The following CEP164 variants were observed in gnomAD, a reference collection of about 807,000 sequenced individuals.
CEP164 encodes centrosomal protein 164.
Under a neutral mutation model 182.7 loss-of-function variants are expected in CEP164, and 162 were observed. That is an observed-to-expected ratio of 0.89 (90% CI 0.78 to 1.01). CEP164 has a LOEUF of 1.01. CEP164 is among the 50% of genes least tolerant of loss of function. The probability of loss-of-function intolerance (pLI) is 0.00; values close to 1 mark genes in which losing one functional copy is unlikely to be tolerated. For synonymous variants in CEP164, 661 were observed against 690.0 expected, an observed-to-expected ratio of 0.96 and a Z score of 0.66; for missense variants, 1,735 against 1,790.4, an observed-to-expected ratio of 0.97 and a Z score of 0.56.
Position 117,393,095 on chromosome 11 carries a change from T to C in CEP164, c.2585T>C (p.Met862Thr), listed in dbSNP as rs371143032. 10 of 1,613,432 alleles carry C rather than the reference T, an allele frequency of 6.2e-6. No homozygotes were observed. In the African/African-American group the frequency reaches 9.3e-5, roughly 15 times the overall value. The change falls in exon 20 of 33, where the codon ATG (methionine) becomes ACG (threonine). Residue 862 changes from methionine to threonine, a missense_variant. Transcript: ENST00000278935. ...ATGAAGGAGGAGCACCAGCAAGTGA[T>C]GGCTAAGGCCAGAGAGCAGTATGAA... The part of the protein sequence containing the change: ...DKMKEEHQQV[M>T]AKAREQYEAE...
chr11:117,375,826 C>T (rs2042684044), intron 11 of CEP164, 35 bp downstream of exon 11: 2 of 1,591,096 alleles, frequency 1.3e-6, no homozygotes, highest in East Asian at 2.2e-5. Context: ...GAGCTGGGGC[C>T]TCATTTTCCC....
intron 11 of CEP164, among the ~76,000 whole-genome samples, chr11:117,377,706 A>T (rs927460118): frequency 6.6e-6 from 1 of 152,226 alleles, no homozygotes; most frequent in African/African-American, 2.4e-5. Flanking sequence ...TTCATTTAAA[A>T]TATTTGCAAT....
At chr11:117,351,392 A>G (rs1276417357) in intron 4 of CEP164, among the ~76,000 whole-genome samples, 1 of 152,204 alleles carries the variant, frequency 6.6e-6, no homozygotes, top group Non-Finnish European at 1.5e-5. Context: ...TAGACTGTTT[A>G]TTAAAATATT....
Position 117,387,400 on chromosome 11 carries a change from A to T in CEP164, c.1922A>T (p.Glu641Val). Reference protein sequence around the residue: ...EEILRLHQQKEQSLSSLRERL... With the variant: ...EEILRLHQQKVQSLSSLRERL... ...ATCCTCCGGCTTCACCAGCAGAAAGAGCAATCTCTCAGGTCCTGCCCTTCC... is the reference window on the plus strand; with the variant it reads ...ATCCTCCGGCTTCACCAGCAGAAAGTGCAATCTCTCAGGTCCTGCCCTTCC... The change falls in exon 15 of 33, where the codon GAG becomes GTG. Residue 641 changes from glutamate to valine, a missense_variant. Transcript: ENST00000278935. The T allele has an allele frequency of 1.2e-6, 2 of 1,614,108 alleles. No individual in the cohort carries two copies. Among genetic ancestry groups the T allele is most frequent in the Non-Finnish European group, 1.7e-6 (2 of 1,180,020 alleles).
intron 5 of CEP164, among the ~76,000 whole-genome samples, chr11:117,358,053 C>G (rs1460742166): frequency 6.6e-6 from 1 of 152,174 alleles, no homozygotes; most frequent in Non-Finnish European, 1.5e-5. Context: ...GTGGCTTTAT[C>G]CAGTTGTTCC....
intron 4 of CEP164, among the ~76,000 whole-genome samples, chr11:117,344,859 C>T (rs932142463): frequency 2.0e-5 from 3 of 150,904 alleles, no homozygotes; most frequent in African/African-American, 4.9e-5. Context: ...ACCTGGGAGG[C>T]GGAGGTTGCA....
intron 16 of CEP164, 39 bp from the exon 17 acceptor site, chr11:117,390,960 G>T (rs761262209): frequency 6.2e-7 from 1 of 1,613,932 alleles, no homozygotes; most frequent in South Asian, 1.1e-5. Context: ...GCGACCCCAG[G>T]GTGCACAGGC....
upstream of CEP164, among the ~76,000 whole-genome samples, chr11:117,326,770 T>G (rs1418779430): frequency 2.6e-5 from 4 of 152,192 alleles, no homozygotes; most frequent in African/African-American, 9.7e-5. Context: ...CTATCCTGAG[T>G]CAGCTACATC....
intron 14 of CEP164, chr11:117,385,025 A>C (rs554231063): frequency 6.6e-6 from 1 of 152,388 alleles, no homozygotes; most frequent in African/African-American, 2.4e-5. Context: ...AAAAGAATCC[A>C]AACCACCAAG....
intron 28 of CEP164, chr11:117,408,605 A>C: frequency 4.9e-6 from 2 of 411,700 alleles, no homozygotes; most frequent in Non-Finnish European, 4.5e-6. Flanking sequence ...CGCCCAGGGT[A>C]CCTGGTGGAA....
Position 117,395,955 on chromosome 11 carries a change from C to T in CEP164, c.3090-99C>T, listed in dbSNP as rs571311699. On this transcript the variant is annotated intron_variant, in intron 24 of 32. Transcript: ENST00000278935. ...CTGAGCCCTTCCTCAGGGACTTTGA[C>T]GGATGGGAGTGAGGGGGTGGAGATG... The T allele has an allele frequency of 1.5e-5, 23 of 1,520,886 alleles. No homozygotes were observed. In the East Asian group the frequency reaches 2.3e-4, roughly 15 times the overall value. 94.2% of individuals were successfully genotyped at this position (1,520,886 alleles called of 1,614,324 possible).
chr11:117,334,072 C>G (rs1005774186), intron 1 of CEP164, among the ~76,000 whole-genome samples: 1 of 152,222 alleles, frequency 6.6e-6, no homozygotes, highest in Non-Finnish European at 1.5e-5. Flanking sequence ...GCACTTCCCT[C>G]GGTTCTAATT....
intron 4 of CEP164, among the ~76,000 whole-genome samples, chr11:117,350,531 T>C (rs1029549455): frequency 6.6e-5 from 10 of 152,216 alleles, no homozygotes; most frequent in Admixed American, 3.3e-4. Context: ...TTTCATGTGC[T>C]TATGGGTCAT....
chr11:117,387,020 G>A (rs1222776910), intron 14 of CEP164, 183 bp from the exon 15 acceptor site: 1 of 613,470 alleles, frequency 1.6e-6, no homozygotes, highest in Non-Finnish European at 2.9e-6. Context: ...CCACAATGGG[G>A]CTTGTCCTAT....
In CEP164 at chr11:117,410,928, G is replaced by T. The variant is rs150294491; in HGVS notation, c.4163+34G>T. The stretch of plus-strand genomic sequence containing the variant: ...CCCTGGGGGCTGGTTGGGGTGGAAC[G>T]TCATAGTCGAGCTGCTCACTGTGCC... On this transcript the variant is annotated intron_variant, in intron 31 of 32. Coordinates refer to ENST00000278935, the MANE Select transcript of CEP164 (RefSeq NM_014956.5). 9,347 of 1,595,082 alleles carry T rather than the reference G, an allele frequency of 5.9e-3. 44 individuals carry two copies. The highest frequency in any genetic ancestry group is 7.1e-3 in the Non-Finnish European group (8,317 of 1,167,128).
rs376102646 is a variant in CEP164, at chr11:117,409,142, C to A, written c.3748+114C>A. 7.2e-7 allele frequency: 1 copy of A among 1,395,792 alleles called. No individual in the cohort carries two copies. Among genetic ancestry groups the A allele is most frequent in the Non-Finnish European group, 9.8e-7 (1 of 1,023,640 alleles). The allele number at this position is 1,395,792 out of a possible 1,614,324, so 86.5% of individuals were successfully genotyped here. On this transcript the variant is annotated intron_variant, in intron 29 of 32. Coordinates refer to ENST00000278935, the MANE Select transcript of CEP164 (RefSeq NM_014956.5). This position sits in a 1 kb window ranked among gnomAD's most constrained non-coding sequence, Gnocchi z 4.4. ...CCTGCAGAGGGAGGCCTCTGTGAGC[C>A]GGTGTCTGGACTAGGTGCTCGGTCA...
At chr11:117,390,641 A>G in intron 15 of CEP164, 136 bp from the exon 16 acceptor site, 1 of 1,173,492 alleles carries the variant, frequency 8.5e-7, no homozygotes, top group Non-Finnish European at 1.2e-6. Context: ...GTCTCCAAAA[A>G]GAAAAAAAAA....
rs1221102960 is a variant in CEP164 at position 117,395,157 on chromosome 11, T to A, written c.2879T>A (p.Leu960His). Residue 960 changes from leucine to histidine, a missense_variant, in exon 23 of 33, where the codon CTT becomes CAT. By Grantham distance (99) the Leu-to-His change is moderately conservative. Transcript: ENST00000278935. ...GCCCGGAGGGAGAAGCAGCAGCTGCTTGATGTGCAGAGGCAGGTTGCTCTG... is the reference window on the plus strand; with the variant it reads ...GCCCGGAGGGAGAAGCAGCAGCTGCATGATGTGCAGAGGCAGGTTGCTCTG... Reference protein sequence around the residue: ...ETARREKQQLLDVQRQVALKS... With the variant: ...ETARREKQQLHDVQRQVALKS... The A allele has an allele frequency of 1.2e-6, 2 of 1,614,012 alleles. No homozygotes were observed. The highest frequency in any genetic ancestry group is 1.7e-6 in the Non-Finnish European group (2 of 1,180,034).
chr11:117,390,792 G>A lies in CEP164; in HGVS notation c.1950G>A (p.Arg650=). 1.9e-6 allele frequency: 3 copies of A among 1,613,978 alleles called. No individual in the cohort carries two copies. The highest frequency in any genetic ancestry group is 1.1e-5 in the South Asian group (1 of 91,074). ...KEQSLSSLRE[R]LQKAIEEEEA... is the part of the protein sequence containing the mutation. ...TCCATCTCAGTTCCTTGAGGGAGCG[G>A]CTGCAGAAAGCCATTGAGGAGGAGG... The change falls in exon 16 of 33, where the codon CGG becomes CGA. Residue 650 remains arginine, a synonymous_variant. Coordinates refer to ENST00000278935, the MANE Select transcript of CEP164 (RefSeq NM_014956.5).
Sources: gnomAD v4.1 joint callset for allele counts (sites outside exome capture counted in the v4.1 genomes callset) on GRCh38, gnomAD v4.1.1 for gene constraint, Gnocchi (gnomAD v3.1) non-coding constraint, MANE v1.5 for transcripts, NCBI Gene and HGNC (gene_info 2026-07-23, HGNC 2026-07-21) for gene names.